The following SLC35A3 variants were observed in gnomAD, a reference collection of about 807,000 sequenced individuals.
SLC35A3 encodes the protein solute carrier family 35 member A3.
A neutral mutation model predicts 39.0 loss-of-function variants in SLC35A3; 26 were observed. That is an observed-to-expected ratio of 0.67 (90% CI 0.49 to 0.92). The LOEUF (loss-of-function observed/expected upper bound fraction) is 0.92. SLC35A3 is among the 40% of genes least tolerant of loss of function. The pLI, the probability that SLC35A3 is intolerant of heterozygous loss-of-function variation, is 0.00. For synonymous variants in SLC35A3, 135 were observed against 133.1 expected (o/e 1.01, Z -0.10); for missense variants, 299 against 371.6 (o/e 0.80, Z 1.61).
At chr1:99,980,128 T>A (rs180929396) in intron 1 of SLC35A3, among the ~76,000 whole-genome samples, 11 of 152,272 alleles carry the variant, frequency 7.2e-5, no homozygotes, top group African/African-American at 2.4e-4. Flanking sequence ...TGGTGGCTGA[T>A]TTCCATCTGG....
At chr1:99,975,857 T>TGAGACCAGCATGGGCAATGAAGC in intron 1 of SLC35A3, among the ~76,000 whole-genome samples, 2 of 152,196 alleles carry the variant, frequency 1.3e-5, no homozygotes, top group East Asian at 3.9e-4. Context: ...GGCAGGAGTT[T>TGAGACCAGCATGGGCAATGAAGC]GAGACCAGCA....
chr1:100,006,875 C>A (rs1319925301), intron 3 of SLC35A3, among the ~76,000 whole-genome samples, 159 bp from the exon 4 acceptor site: 2 of 152,222 alleles, frequency 1.3e-5, no homozygotes, highest in African/African-American at 4.8e-5. Flanking sequence ...GTACAGATTC[C>A]TGAGACTGGC....
At chr1:100,010,007 A>T (rs1003769802) in intron 4 of SLC35A3, among the ~76,000 whole-genome samples, 2 of 152,218 alleles carry the variant, frequency 1.3e-5, no homozygotes, top group African/African-American at 4.8e-5. Flanking sequence ...TACACTGTCC[A>T]GTAGGGTAGC....
chr1:100,020,665 A>G (rs971615453), intron 7 of SLC35A3, among the ~76,000 whole-genome samples: 2 of 152,194 alleles, frequency 1.3e-5, no homozygotes, highest in Non-Finnish European at 2.9e-5. Flanking sequence ...TGAAGAGCAT[A>G]TGGTTGAGCA....
rs1429180508 is a variant in SLC35A3 at position 100,023,412 on chromosome 1, T to C, written c.*936T>C. ...GAATTTTGAACTATCAAGCATATAC[T>C]GTATACAGTTAGAAAGTTATTAAAT... On this transcript the variant is annotated 3_prime_UTR_variant, in exon 8 of 8. Coordinates refer to ENST00000533028, the MANE Select transcript of SLC35A3 (RefSeq NM_012243.3). 6.6e-6 allele frequency: 1 copy of C among 152,250 alleles called. No homozygotes were observed. Among genetic ancestry groups the C allele is most frequent in the Admixed American group, 6.5e-5 (1 of 15,292 alleles). The allele number at this position is 152,250 out of a possible 1,614,324, so 9.4% of individuals were successfully genotyped here.
chr1:100,002,032 T>G (rs1049306879), intron 3 of SLC35A3, among the ~76,000 whole-genome samples: 5 of 152,198 alleles, frequency 3.3e-5, no homozygotes, highest in African/African-American at 1.2e-4. Context: ...TCAGGATTTT[T>G]GGGTTCTCTG....
At chr1:100,010,793 G>C (rs1289716065) in intron 4 of SLC35A3, among the ~76,000 whole-genome samples, 1 of 152,154 alleles carries the variant, frequency 6.6e-6, no homozygotes, top group African/African-American at 2.4e-5. Flanking sequence ...TAGATTAAGG[G>C]TAACATCTAA....
Position 100,030,004 on chromosome 1 carries a change from A to G in SLC35A3, c.*7528A>G, listed in dbSNP as rs1265185520. 2 of 152,162 alleles carry G rather than the reference A, an allele frequency of 1.3e-5. No individual in the cohort carries two copies. Among genetic ancestry groups the G allele is most frequent in the Admixed American group, 6.5e-5 (1 of 15,278 alleles). The allele number at this position is 152,162 out of a possible 1,614,324, so 9.4% of individuals were successfully genotyped here. ...TACCTGTACTGCATATTAATAAACA[A>G]TTTTGAACTAATTTTAAATTAGGCA... On this transcript the variant is annotated 3_prime_UTR_variant, in exon 8 of 8. Coordinates refer to ENST00000533028, the MANE Select transcript of SLC35A3 (RefSeq NM_012243.3).
chr1:100,022,286 T>C (rs1660601622), intron 7 of SLC35A3, 100 bp from the exon 8 acceptor site: 1 of 612,572 alleles, frequency 1.6e-6, no homozygotes, highest in African/African-American at 1.9e-5. Flanking sequence ...TGGAACATTT[T>C]TCCCCACATT....
At chr1:100,020,220 TTCTC>T (rs892582468) in intron 7 of SLC35A3, among the ~76,000 whole-genome samples, 21 of 152,318 alleles carry the variant, frequency 1.4e-4, no homozygotes, top group African/African-American at 5.1e-4. Flanking sequence ...TGAGACAACT[TTCTC>T]TCTCAGAACC....
At chr1:100,021,075 A>C (rs965265682) in intron 7 of SLC35A3, among the ~76,000 whole-genome samples, 5 of 152,236 alleles carry the variant, frequency 3.3e-5, no homozygotes, top group African/African-American at 1.2e-4. Flanking sequence ...TGTCTCTATA[A>C]TAGCATTTTA....
At chr1:99,982,915 G>T (rs761254914) in intron 1 of SLC35A3, among the ~76,000 whole-genome samples, 4 of 152,080 alleles carry the variant, frequency 2.6e-5, no homozygotes, top group Non-Finnish European at 5.9e-5. Flanking sequence ...CGATTAGGGT[G>T]ACAAACAAAA....
intron 5 of SLC35A3, among the ~76,000 whole-genome samples, chr1:100,013,059 T>G (rs551453409): frequency 3.9e-4 from 60 of 152,316 alleles, no homozygotes; most frequent in African/African-American, 1.4e-3. Flanking sequence ...TACATACATA[T>G]TTGCTATTAT....
chr1:100,012,980 T>G (rs980984547), intron 5 of SLC35A3, among the ~76,000 whole-genome samples: 2 of 152,154 alleles, frequency 1.3e-5, no homozygotes, highest in African/African-American at 4.8e-5. Context: ...AAAATAGACA[T>G]CTACCTCATA....
intron 1 of SLC35A3, among the ~76,000 whole-genome samples, chr1:99,978,496 A>G (rs1051378357): frequency 6.6e-6 from 1 of 152,250 alleles, no homozygotes; most frequent in Middle Eastern, 3.2e-3. Context: ...ACTGCACTCC[A>G]GCCTGGGGAA....
In SLC35A3 at chr1:100,031,985, T is replaced by C. The variant is rs1661271806; in HGVS notation, c.*9509T>C. On this transcript the variant is annotated 3_prime_UTR_variant, in exon 8 of 8. Coordinates refer to ENST00000533028, the MANE Select transcript of SLC35A3 (RefSeq NM_012243.3). Reference sequence around the variant, plus strand: ...TGATTTGTTCCCTTTATTCCTTTCATGTCCTTTGAACTGGAAGTCAAGTCT... The same window carrying C: ...TGATTTGTTCCCTTTATTCCTTTCACGTCCTTTGAACTGGAAGTCAAGTCT... 6.6e-6 allele frequency: 1 copy of C among 152,252 alleles called. No homozygotes were observed. The highest frequency in any genetic ancestry group is 6.5e-5 in the Admixed American group (1 of 15,290). 9.4% of individuals were successfully genotyped at this position (152,252 alleles called of 1,614,324 possible). A position where few individuals can be genotyped will look rare whatever the true frequency, so the allele number is the denominator to read the frequency against.
intron 3 of SLC35A3, 93 bp from the exon 4 acceptor site, chr1:100,006,941 G>A (rs1659273794): frequency 1.4e-6 from 2 of 1,392,452 alleles, no homozygotes; most frequent in Non-Finnish European, 1.9e-6. Context: ...CAGGCATGCT[G>A]CCATAGTCCT....
chr1:100,006,713 G>A (rs1289599499), intron 3 of SLC35A3, among the ~76,000 whole-genome samples: 1 of 152,172 alleles, frequency 6.6e-6, no homozygotes, highest in Admixed American at 6.5e-5. Context: ...TGATACCCAG[G>A]CCCCTAGATT....
chr1:99,974,080 A>G (rs934927733), intron 1 of SLC35A3, among the ~76,000 whole-genome samples: 3 of 152,102 alleles, frequency 2.0e-5, no homozygotes, highest in Non-Finnish European at 4.4e-5. Context: ...CTAAGAAACA[A>G]GCTCATTCCA....
Sources: gnomAD v4.1 joint callset for allele counts (sites outside exome capture counted in the v4.1 genomes callset) on GRCh38, gnomAD v4.1.1 for gene constraint, MANE v1.5 for transcripts, NCBI Gene and HGNC (gene_info 2026-07-23, HGNC 2026-07-21) for gene names.